The following TNS1 variants were observed in gnomAD, a reference collection of about 807,000 sequenced individuals.
The protein encoded by TNS1 is tensin-1.
TNS1 carries 62 observed loss-of-function variants against 168.6 expected under a neutral mutation model. That is an observed-to-expected ratio of 0.37 (90% confidence interval 0.30 to 0.45). The LOEUF (loss-of-function observed/expected upper bound fraction) is 0.45, where lower values mean the gene tolerates loss of function less well. Ranked by LOEUF, TNS1 falls within the 20% of genes least tolerant of loss-of-function variation. The probability of loss-of-function intolerance (pLI) is 1.00; values close to 1 mark genes in which losing one functional copy is unlikely to be tolerated. For missense variants in TNS1, 2,240 were observed against 2,339.4 expected (o/e 0.96, Z 0.88); for synonymous variants, 934 against 933.2 (o/e 1.00, Z -0.02).
intron 4 of TNS1, among the ~76,000 whole-genome samples, chr2:217,911,969 G>C (rs952891940): frequency 1.3e-4 from 20 of 152,372 alleles, no homozygotes; most frequent in African/African-American, 4.3e-4. Flanking sequence ...AGACAACAGA[G>C]AGAACTTCCT....
At chr2:217,904,887 C>T (rs1306721842) in intron 6 of TNS1, among the ~76,000 whole-genome samples, 1 of 152,182 alleles carries the variant, frequency 6.6e-6, no homozygotes, top group Non-Finnish European at 1.5e-5. Context: ...GTTCACACAC[C>T]ATCACCCTGT....
upstream of TNS1, among the ~76,000 whole-genome samples, chr2:218,004,213 G>A (rs761458079): frequency 1.3e-5 from 2 of 152,190 alleles, no homozygotes; most frequent in Non-Finnish European, 2.9e-5. Flanking sequence ...TCCAACTCAC[G>A]TCAACACATA....
intron 18 of TNS1, chr2:217,850,249 C>T (rs1418459756): frequency 2.0e-6 from 2 of 985,430 alleles, no homozygotes; most frequent in Non-Finnish European, 2.4e-6. Context: ...GCCAAGCCAA[C>T]AGTCCCTGTG....
At chr2:217,858,091 C>T (rs940851090) in intron 18 of TNS1, among the ~76,000 whole-genome samples, 4 of 152,128 alleles carry the variant, frequency 2.6e-5, no homozygotes, top group African/African-American at 4.8e-5. Context: ...AGGGAGGGGG[C>T]GTCCTGAATA....
intron 18 of TNS1, among the ~76,000 whole-genome samples, chr2:217,875,617 G>T (rs79910957): frequency 2.0e-5 from 3 of 151,850 alleles, no homozygotes; most frequent in African/African-American, 7.3e-5. Context: ...TCTCCTTCTT[G>T]GTCTCTGCCT....
intron 18 of TNS1, among the ~76,000 whole-genome samples, chr2:217,877,971 G>C (rs933898699): frequency 6.6e-6 from 1 of 152,192 alleles, no homozygotes; most frequent in South Asian, 2.1e-4. Context: ...CCCGCAGTGG[G>C]CCTGAAATAG....
At chr2:217,842,684 C>T (rs79466558) in intron 19 of TNS1, among the ~76,000 whole-genome samples, 6,401 of 152,254 alleles carry the variant, frequency 0.042, 627 homozygotes, top group East Asian at 0.34. Flanking sequence ...TCATGCCACA[C>T]GGAGTAAAAG....
chr2:217,885,071 C>A lies in TNS1; in HGVS notation c.1210G>T (p.Val404Phe), dbSNP rs1235349118. Reference protein sequence around the residue: ...HTCAIHDLGVVFGKEDLDDAF... With the variant: ...HTCAIHDLGVFFGKEDLDDAF... ...TCATCAAGGTCCTCCTTCCCAAAGA[C>A]AACCCCCAGGTCATGGATGGCACAG... Residue 404 changes from valine to phenylalanine, a missense_variant, in exon 16 of 33, where the codon GTC (valine) becomes TTC (phenylalanine). By Grantham distance (50) the Val-to-Phe change is conservative (BLOSUM62 -1). This residue lies in a region of TNS1 where 2,131 missense variants were observed against 2,171.2 expected (regional missense o/e 0.98). Transcript: ENST00000682258. 2 of 1,614,144 alleles carry A rather than the reference C, an allele frequency of 1.2e-6. No individual in the cohort carries two copies. Among genetic ancestry groups the A allele is most frequent in the African/African-American group, 2.7e-5 (2 of 74,948 alleles).
chr2:217,982,113 C>T (rs1559399286), intron 2 of TNS1, among the ~76,000 whole-genome samples: 1 of 152,194 alleles, frequency 6.6e-6, no homozygotes, highest in African/African-American at 2.4e-5. Context: ...AAGCCAGTGA[C>T]CATGTCGTGA....
In TNS1 at chr2:217,893,172, G is replaced by A. The variant is rs1195845355; in HGVS notation, c.718-160C>T. Among the ~76,000 whole-genome samples, 3 of 152,308 alleles carry A rather than the reference G, an allele frequency of 2.0e-5. No individual in the cohort carries two copies. In the South Asian group the frequency reaches 6.2e-4, roughly 32 times the overall value. On this transcript the variant is annotated intron_variant, in intron 10 of 32. Coordinates refer to ENST00000682258, the MANE Select transcript of TNS1 (RefSeq NM_001387777.1). ...AAGGGGGCCTCAGGGGAGGGAGGCA[G>A]GTGGGGACTAAGTCTCAGAAAAAAC...
intron 4 of TNS1, among the ~76,000 whole-genome samples, chr2:217,919,748 G>A (rs1249182317): frequency 6.6e-6 from 1 of 152,248 alleles, no homozygotes; most frequent in Non-Finnish European, 1.5e-5. Flanking sequence ...GTCAAGCCAA[G>A]GGGCTTAGAG....
chr2:217,835,282 G>T, intron 20 of TNS1, 116 bp from the exon 21 acceptor site: 2 of 953,734 alleles, frequency 2.1e-6, no homozygotes, highest in Non-Finnish European at 3.1e-6. Context: ...CCCCTCGTCA[G>T]CCTGGCTCCT....
chr2:217,849,190 C>T (rs1311695654), intron 18 of TNS1, 103 bp from the exon 19 acceptor site: 12 of 1,403,072 alleles, frequency 8.6e-6, no homozygotes, highest in South Asian at 1.4e-5. Flanking sequence ...AGCTCCCATG[C>T]CCTGCATCCT....
intron 6 of TNS1, 81 bp from the exon 7 acceptor site, chr2:217,900,593 G>A: frequency 1.5e-6 from 2 of 1,368,420 alleles, no homozygotes; most frequent in Non-Finnish European, 2.0e-6. Context: ...CTGTCCACGG[G>A]GGCAAACATG....
At chr2:217,832,637 C>T (rs1003890589) in intron 21 of TNS1, among the ~76,000 whole-genome samples, 7 of 152,194 alleles carry the variant, frequency 4.6e-5, no homozygotes, top group Non-Finnish European at 1.0e-4. Context: ...CCCCAAAAGA[C>T]AGTCAGACCT....
chr2:217,985,196 A>G (rs752450096), intron 2 of TNS1, among the ~76,000 whole-genome samples: 1 of 151,794 alleles, frequency 6.6e-6, no homozygotes, highest in Non-Finnish European at 1.5e-5. Context: ...GTTCTAGATC[A>G]TCCCATCCAG....
chr2:217,895,081 C>A, intron 8 of TNS1, 25 bp from the exon 9 acceptor site: 7 of 1,603,666 alleles, frequency 4.4e-6, no homozygotes, highest in Non-Finnish European at 6.0e-6. Flanking sequence ...AGGAAGAGAG[C>A]ATGAGGAGGT....
At chr2:217,903,171 C>T (rs144918595) in intron 6 of TNS1, among the ~76,000 whole-genome samples, 100 of 152,320 alleles carry the variant, frequency 6.6e-4, no homozygotes, top group African/African-American at 2.2e-3. Context: ...ATTCAGCAAA[C>T]ATCCACCGAG....
In TNS1 at chr2:217,818,267, T is replaced by C. The variant is rs1942235605; in HGVS notation, c.4065A>G (p.Ala1355=). Residue 1355 remains alanine, a synonymous_variant, in exon 24 of 33, where the codon GCA becomes GCG. Coordinates refer to ENST00000682258, the MANE Select transcript of TNS1 (RefSeq NM_001387777.1). ...PGSPSLCRHP[A]GVYQVSGLHN... ...GGAGGCCAGAAACCTGGTAGACCCC[T>C]GCTGGGTGCCGACACAGGCTGGGGC... 6 of 1,613,242 alleles carry C rather than the reference T, an allele frequency of 3.7e-6. No individual in the cohort carries two copies. The South Asian group carries it at 6.6e-5, about 18-fold the overall frequency.
Sources: gnomAD v4.1 joint callset for allele counts (sites outside exome capture counted in the v4.1 genomes callset) on GRCh38, gnomAD v4.1.1 for gene constraint, gnomAD v4.1.1 regional missense constraint, MANE v1.5 for transcripts, NCBI Gene and HGNC (gene_info 2026-07-23, HGNC 2026-07-21) for gene names.